The following ANK2 variants were observed in gnomAD, a reference collection of about 807,000 sequenced individuals.
The protein encoded by ANK2 is ankyrin 2, also known as ankyrin-2.
Under a neutral mutation model 360.5 loss-of-function variants are expected in ANK2, and 83 were observed. The observed-to-expected ratio is 0.23, with a 90% CI of 0.19 to 0.28. The LOEUF (loss-of-function observed/expected upper bound fraction) is 0.28. ANK2 is among the 10% of genes least tolerant of loss of function. The pLI is 1.00. For missense variants in ANK2, 4,201 were observed against 4,795.7 expected, an observed-to-expected ratio of 0.88 and a Z score of 3.66; for synonymous variants, 1,740 against 1,759.5, an observed-to-expected ratio of 0.99 and a Z score of 0.28.
chr4:113,158,614 A>G (rs1049493599), intron 1 of ANK2, among the ~76,000 whole-genome samples: 1 of 152,216 alleles, frequency 6.6e-6, no homozygotes, highest in Non-Finnish European at 1.5e-5. Context: ...GCTGCACATT[A>G]TATGCTGGGC....
At chr4:113,291,700 T>C (rs1171961110) in intron 20 of ANK2, among the ~76,000 whole-genome samples, 2 of 152,170 alleles carry the variant, frequency 1.3e-5, no homozygotes, top group Non-Finnish European at 2.9e-5. Flanking sequence ...AACATATAGA[T>C]AAAATTTTAT....
chr4:113,231,456 G>A (rs1242323564), intron 4 of ANK2, among the ~76,000 whole-genome samples: 1 of 152,110 alleles, frequency 6.6e-6, no homozygotes, highest in Non-Finnish European at 1.5e-5. Flanking sequence ...GTATATTCAA[G>A]ATAACCATGG....
rs551553796 is a variant in ANK2, at chr4:112,864,001, T to G, written c.-39-40454T>G. ...AAAAGATGATACAGTCAGGAATTTCTGAGAGGCTTACATTTGGGTGGGAAT... is the reference window on the plus strand; with the variant it reads ...AAAAGATGATACAGTCAGGAATTTCGGAGAGGCTTACATTTGGGTGGGAAT... On this transcript the variant is annotated intron_variant, in intron 1 of 30. Transcript: ENST00000503271. 4.6e-5 allele frequency among the ~76,000 whole-genome samples: 7 copies of G among 152,318 alleles called. No homozygotes were observed. In the East Asian group the frequency reaches 1.3e-3, roughly 29 times the overall value.
chr4:112,734,098 G>A, the ANK2 span, among the ~76,000 whole-genome samples: 1 of 151,812 alleles, frequency 6.6e-6, no homozygotes, highest in Non-Finnish European at 1.5e-5. Context: ...TATATGATGT[G>A]GTGTGTGTGT....
chr4:113,369,349 A>G (rs1427655034), intron 42 of ANK2, among the ~76,000 whole-genome samples, 165 bp from the exon 43 acceptor site: 2 of 152,236 alleles, frequency 1.3e-5, no homozygotes, highest in African/African-American at 2.4e-5. Flanking sequence ...ATATCTTGTC[A>G]TATTATTTTT....
intron 4 of ANK2, among the ~76,000 whole-genome samples, chr4:113,207,023 C>G (rs2098958944): frequency 6.6e-6 from 1 of 150,590 alleles, no homozygotes; most frequent in Non-Finnish European, 1.5e-5. Flanking sequence ...GACTCCATCT[C>G]AAAAAAAAAT....
Position 112,831,107 on chromosome 4 carries a change from G to A in ANK2, c.-40+12843G>A, listed in dbSNP as rs1009663294. Among the ~76,000 whole-genome samples the A allele has an allele frequency of 1.5e-4, 23 of 152,310 alleles. No homozygotes were observed. The East Asian group carries it at 1.5e-3, about 10-fold the overall frequency. ...GCCCCCACCCCCTCCATGGGCTCCCGCGTGGCCAGAGACTCCCCAATGGGT... is the reference window on the plus strand; with the variant it reads ...GCCCCCACCCCCTCCATGGGCTCCCACGTGGCCAGAGACTCCCCAATGGGT... On this transcript the variant is annotated intron_variant, in intron 1 of 30. Transcript: ENST00000503271.
the ANK2 span, chr4:112,738,690 G>A: frequency 2.1e-4 from 124 of 594,488 alleles, no homozygotes; most frequent in South Asian, 1.4e-3. Context: ...CCTCAGACCC[G>A]TTGTGAAGCC....
At position 113,345,865 on chromosome 4, in the gene ANK2, AT is replaced by A. The variant is rs770865071; in HGVS notation, c.4249-34del. The A allele has an allele frequency of 2.0e-5, 32 of 1,612,200 alleles. No homozygotes were observed. The African/African-American group carries it at 4.0e-4, about 20-fold the overall frequency. On this transcript the variant is annotated intron_variant, in intron 34 of 45. Coordinates refer to ENST00000357077, the MANE Select transcript of ANK2 (RefSeq NM_001148.6). ...AGTTAAAGTAAATACTGCAAATCAA[AT>A]GTGGGTGAAGCATGTATGTCTTTCT...
chr4:112,956,514 C>T lies in ANK2; in HGVS notation c.21+52000C>T, dbSNP rs149705025. The stretch of plus-strand genomic sequence containing the variant: ...AAGAAGCACTGCCACATCCAACAGT[C>T]GATCTGATAATGGAGAAGGCTTCTA... On this transcript the variant is annotated intron_variant, in intron 2 of 30. Transcript: ENST00000503271. 3.3e-3 allele frequency among the ~76,000 whole-genome samples: 497 copies of T among 152,252 alleles called. 2 individuals carry two copies. Among genetic ancestry groups the T allele is most frequent in the African/African-American group, 0.011 (457 of 41,532 alleles).
intron 2 of ANK2, among the ~76,000 whole-genome samples, chr4:113,031,025 A>G (rs2060289831): frequency 6.6e-6 from 1 of 152,050 alleles, no homozygotes; most frequent in African/African-American, 2.4e-5. Context: ...TAAAATGACC[A>G]TCCTGGAAAG....
chr4:113,251,211 C>A (rs561025565), intron 10 of ANK2, among the ~76,000 whole-genome samples: 1 of 152,098 alleles, frequency 6.6e-6, no homozygotes, highest in Non-Finnish European at 1.5e-5. Flanking sequence ...CTTTACAAAC[C>A]GTAAAATAAT....
chr4:113,381,461 A>G lies in ANK2; in HGVS notation c.11864A>G (p.Asn3955Ser), dbSNP rs201555985. The G allele has an allele frequency of 3.6e-4, 587 of 1,614,168 alleles. 3 individuals are homozygous for G. The South Asian group carries it at 5.9e-3, about 16-fold the overall frequency. Residue 3955 changes from asparagine to serine, a missense_variant, in exon 46 of 46, where the codon AAC becomes AGC. This residue lies in a region of ANK2 where 2,642 missense variants were observed against 2,714.5 expected (regional missense o/e 0.97). Coordinates refer to ENST00000357077, the MANE Select transcript of ANK2 (RefSeq NM_001148.6). ...CTCTTGTCTGCTTTTCTCCAGGACA[A>G]CAATGAGTAAAGCCATCACACAGAA... is the stretch of plus-strand genomic sequence containing the variant. ...LKSDTEQSED[N>S]NE
intron 2 of ANK2, among the ~76,000 whole-genome samples, chr4:113,012,615 C>T (rs538389761): frequency 6.6e-6 from 1 of 152,140 alleles, no homozygotes; most frequent in African/African-American, 2.4e-5. Context: ...CTGTTTGTGG[C>T]AAACATATAA....
At chr4:113,102,261 G>C (rs1349441139) in intron 1 of ANK2, among the ~76,000 whole-genome samples, 1 of 152,012 alleles carries the variant, frequency 6.6e-6, no homozygotes, top group Non-Finnish European at 1.5e-5. Flanking sequence ...TAAGACTCAG[G>C]GATAGATTGA....
intron 1 of ANK2, among the ~76,000 whole-genome samples, chr4:112,851,333 C>A (rs143941399): frequency 2.0e-5 from 3 of 152,302 alleles, no homozygotes; most frequent in African/African-American, 7.2e-5. Flanking sequence ...GTTCCCCAGT[C>A]AACCTCACGT....
chr4:112,735,039 C>T, the ANK2 span, among the ~76,000 whole-genome samples: 6 of 152,132 alleles, frequency 3.9e-5, no homozygotes, highest in African/African-American at 1.4e-4. Context: ...CACATGTTGC[C>T]TCAATTATGA....
chr4:112,814,977 CA>C (rs2055532748), upstream of ANK2, among the ~76,000 whole-genome samples: 1 of 150,908 alleles, frequency 6.6e-6, no homozygotes, highest in African/African-American at 2.4e-5. Flanking sequence ...CTAGAGAGAT[CA>C]GCAAAATTCC....
chr4:112,762,601 C>T, the ANK2 span, among the ~76,000 whole-genome samples: 1 of 152,186 alleles, frequency 6.6e-6, no homozygotes, highest in Non-Finnish European at 1.5e-5. Context: ...CCTCTGCCTC[C>T]CGGGTTCAAG....
Sources: gnomAD v4.1 joint callset for allele counts (sites outside exome capture counted in the v4.1 genomes callset) on GRCh38, gnomAD v4.1.1 for gene constraint, gnomAD v4.1.1 regional missense constraint, MANE v1.5 for transcripts, NCBI Gene and HGNC (gene_info 2026-07-23, HGNC 2026-07-21) for gene names.